Variants in STAT6 observed in about 807,000 individuals in gnomAD.
The protein encoded by STAT6 is signal transducer and activator of transcription 6.
STAT6 carries 45 observed loss-of-function variants against 106.3 expected under a neutral mutation model. The ratio of observed to expected loss-of-function variants is 0.42; its 90% CI spans 0.33 to 0.54. STAT6 has a LOEUF of 0.54. Among genes scored for constraint, STAT6 ranks in the 20% least tolerant of loss-of-function variants. STAT6 has a pLI of 0.06. For missense variants in STAT6, 797 were observed against 1,062.2 expected, an observed-to-expected ratio of 0.75 and a Z score of 3.47; for synonymous variants, 413 against 413.6, an observed-to-expected ratio of 1.00 and a Z score of 0.02.
At chr12:57,101,958 C>T (rs144377336) in intron 13 of STAT6, among the ~76,000 whole-genome samples, 2 of 152,302 alleles carry the variant, frequency 1.3e-5, no homozygotes, top group African/African-American at 4.8e-5. Flanking sequence ...GCCGCTGTGC[C>T]CGGCCAGGAA....
At chr12:57,097,487 A>G (rs2033524991) in intron 19 of STAT6, among the ~76,000 whole-genome samples, 1 of 152,192 alleles carries the variant, frequency 6.6e-6, no homozygotes, top group Admixed American at 6.5e-5. Context: ...AGGCCATTTC[A>G]AGGCCAAAAC....
Position 57,104,809 on chromosome 12 carries a change from T to C in STAT6, c.1006A>G (p.Ser336Gly), listed in dbSNP as rs2034170925. 1.9e-6 allele frequency: 3 copies of C among 1,614,138 alleles called. No homozygotes were observed. The highest frequency in any genetic ancestry group is 2.5e-6 in the Non-Finnish European group (3 of 1,180,020). The change falls in exon 10 of 22, where the codon AGC (serine) becomes GGC (glycine). Residue 336 changes from serine (S) to glycine (G), a missense_variant. By Grantham distance (56) the Ser-to-Gly change is moderately conservative (BLOSUM62 0). Around this residue, in one of 4 missense-constraint regions of STAT6, gnomAD observed 336 missense variants for 429.8 expected, o/e 0.78. Coordinates refer to ENST00000300134, the MANE Select transcript of STAT6 (RefSeq NM_003153.5). ...VPQGPGAGAE[S>G]TGEIINNTVP... Reference sequence around the variant, plus strand: ...GTGTTGTTGATGATTTCTCCAGTGCTTTCTCTGCCAGGGGAGGTCAGAGTG... The same window carrying C: ...GTGTTGTTGATGATTTCTCCAGTGCCTTCTCTGCCAGGGGAGGTCAGAGTG...
At chr12:57,105,987 C>G (rs191074646) in intron 7 of STAT6, 8 of 830,048 alleles carry the variant, frequency 9.6e-6, no homozygotes, top group Non-Finnish European at 1.3e-5. Flanking sequence ...GATGAGTCCC[C>G]GCTTGTGCCC....
intron 19 of STAT6, 89 bp downstream of exon 19, chr12:57,098,416 G>A: frequency 2.3e-6 from 3 of 1,288,478 alleles, no homozygotes; most frequent in Non-Finnish European, 3.4e-6. Flanking sequence ...AGCATTTGCT[G>A]CTCCTTTCTC....
chr12:57,097,195 G>A (rs2033501394), intron 19 of STAT6, 62 bp from the exon 20 acceptor site: 1 of 1,367,964 alleles, frequency 7.3e-7, no homozygotes, highest in Non-Finnish European at 9.8e-7. Context: ...GTGGTGCAAA[G>A]TCAGGACCAC....
intron 19 of STAT6, chr12:57,097,434 TTAA>T (rs2033520875): frequency 3.6e-6 from 1 of 281,120 alleles, no homozygotes; most frequent in Non-Finnish European, 6.6e-6. Context: ...CTTGACTAAG[TTAA>T]TAAGCACCCG....
chr12:57,106,016 T>C (rs2136608756), intron 7 of STAT6, 175 bp downstream of exon 7: 2 of 1,115,548 alleles, frequency 1.8e-6, no homozygotes, highest in East Asian at 2.6e-5. Flanking sequence ...GGCCCACTTG[T>C]ACAGGATGCG....
chr12:57,100,136 T>A, intron 13 of STAT6, 46 bp from the exon 14 acceptor site: 1 of 1,525,850 alleles, frequency 6.6e-7, no homozygotes, highest in Non-Finnish European at 8.9e-7. Flanking sequence ...GGGCCAGAGC[T>A]GGAGCCTGTT....
In STAT6 at chr12:57,098,884, G is replaced by T; in HGVS notation, c.1974C>A (p.Thr658=). The T allele has an allele frequency of 1.2e-6, 2 of 1,613,736 alleles. No homozygotes were observed. Among genetic ancestry groups the T allele is most frequent in the South Asian group, 1.1e-5 (1 of 91,080 alleles). The change falls in exon 18 of 22, where the codon ACC becomes ACA. Residue 658 remains threonine, a synonymous_variant. Transcript: ENST00000300134. ...CCATGGTAGGCATCTGGAGCTCTGG[G>T]GTAGGAAGTGGTTGGTCCCTGGAGG... ...MTVERDQPLP[T]PELQMPTMVP... is the part of the protein sequence containing the mutation.
At position 57,095,920 on chromosome 12, in the gene STAT6, A is replaced by C. The variant is rs966721004; in HGVS notation, c.*652T>G. Reference sequence around the variant, plus strand: ...CACACAGCTATACACGAAGAATCTCAGCCCTTGTACTTTTGCATAGTCTCA... The same window carrying C: ...CACACAGCTATACACGAAGAATCTCCGCCCTTGTACTTTTGCATAGTCTCA... On this transcript the variant is annotated 3_prime_UTR_variant, in exon 22 of 22. Transcript: ENST00000300134. 6.6e-6 allele frequency: 1 copy of C among 152,364 alleles called. No individual in the cohort carries two copies. The highest frequency in any genetic ancestry group is 2.4e-5 in the African/African-American group (1 of 41,454). The allele number at this position is 152,364 out of a possible 1,614,324, so 9.4% of individuals were successfully genotyped here. A position where few individuals can be genotyped will look rare whatever the true frequency, so the allele number is the denominator to read the frequency against.
rs1422128840 is a variant in STAT6, at chr12:57,104,738, C to A, written c.1077G>T (p.Leu359=). The A allele has an allele frequency of 1.9e-6, 3 of 1,614,044 alleles. No individual in the cohort carries two copies. Among genetic ancestry groups the A allele is most frequent in the Admixed American group, 1.7e-5 (1 of 59,998 alleles). ...NSIPGNCCSA[L]FKNLLLKKIK... ...CAAAGCCCCTCACCAGGTTCTTGAA[C>A]AGGGCAGAGCAGCAGTTCCCAGGAA... Residue 359 remains leucine, a synonymous_variant, in exon 10 of 22, where the codon CTG becomes CTT. Coordinates refer to ENST00000300134, the MANE Select transcript of STAT6 (RefSeq NM_003153.5).
intron 7 of STAT6, chr12:57,105,985 C>A (rs763050123): frequency 3.7e-6 from 3 of 811,944 alleles, no homozygotes; most frequent in Non-Finnish European, 5.6e-6. Flanking sequence ...TGGATGAGTC[C>A]CCGCTTGTGC....
chr12:57,107,635 G>A lies in STAT6; in HGVS notation c.225C>T (p.Ser75=), dbSNP rs768910713. 1 of 1,613,880 alleles carries A rather than the reference G, an allele frequency of 6.2e-7. No individual in the cohort carries two copies. The highest frequency in any genetic ancestry group is 8.5e-7 in the Non-Finnish European group (1 of 1,179,980). The part of the protein sequence containing the change: ...QASVGEQGEG[S]TILQHISTLE... The stretch of plus-strand genomic sequence containing the variant: ...GGGTGCTGATGTGTTGCAAGATGGT[G>A]CTCCCCTCCCCCTGCTCTCCCACCG... Residue 75 remains serine, a synonymous_variant, in exon 3 of 22, where the codon AGC becomes AGT. Transcript: ENST00000300134.
Position 57,099,385 on chromosome 12 carries a change from G to A in STAT6, c.1800C>T (p.Arg600=). Residue 600 remains arginine, a synonymous_variant, in exon 16 of 22, where the codon CGC becomes CGT. Transcript: ENST00000300134. The surrounding 1 kb of genome is among the most constrained non-coding windows in gnomAD (Gnocchi z 4.7). The part of the protein sequence containing the change: ...QPFSAKDLSI[R]SLGDRIRDLA... The stretch of plus-strand genomic sequence containing the variant: ...GATCCCGGATTCGGTCCCCCAGTGA[G>A]CGAATGGACAGGTCTTTGGCAGAGA... 2 of 1,614,200 alleles carry A rather than the reference G, an allele frequency of 1.2e-6. No homozygotes were observed. Among genetic ancestry groups the A allele is most frequent in the Non-Finnish European group, 1.7e-6 (2 of 1,180,028 alleles).
rs2033492642 is a variant in STAT6 at position 57,097,102 on chromosome 12, G to C, written c.2191C>G (p.Gln731Glu). 1 of 1,524,146 alleles carries C rather than the reference G, an allele frequency of 6.6e-7. No homozygotes were observed. The highest frequency in any genetic ancestry group is 1.3e-5 in the South Asian group (1 of 76,608). 94.4% of individuals were successfully genotyped at this position (1,524,146 alleles called of 1,614,324 possible). A position where few individuals can be genotyped will look rare whatever the true frequency, so the allele number is the denominator to read the frequency against. ...PHLQMPPSLG[Q>E]MSLPFDQPHP... Reference sequence around the variant, plus strand: ...GGCTGGTCAAAGGGCAGGCTCATCTGGCCCAGGCTGGGGGGCATCTGCAGG... The same window carrying C: ...GGCTGGTCAAAGGGCAGGCTCATCTCGCCCAGGCTGGGGGGCATCTGCAGG... The change falls in exon 20 of 22, where the codon CAG (glutamine) becomes GAG (glutamate). Residue 731 changes from glutamine to glutamate, a missense_variant. Coordinates refer to ENST00000300134, the MANE Select transcript of STAT6 (RefSeq NM_003153.5).
chr12:57,105,073 C>T lies in STAT6; in HGVS notation c.1001+78G>A, dbSNP rs552686070. 472 of 1,513,320 alleles carry T rather than the reference C, an allele frequency of 3.1e-4. 3 individuals are homozygous for T. The South Asian group carries it at 5.5e-3, about 18-fold the overall frequency. 93.7% of individuals were successfully genotyped at this position (1,513,320 alleles called of 1,614,324 possible). A position where few individuals can be genotyped will look rare whatever the true frequency, so the allele number is the denominator to read the frequency against. ...TGGCCCTCCCTCCCCATCCCTTGCT[C>T]TTTTCAGTGCCAGCCCTCCAGGCTG... is the stretch of plus-strand genomic sequence containing the variant. On this transcript the variant is annotated intron_variant, in intron 9 of 21. Transcript: ENST00000300134.
chr12:57,098,674 C>A lies in STAT6; in HGVS notation c.2067-77G>T, dbSNP rs1592546446. ...CACACCCTGCTTTTGAACAGGTGTC[C>A]CTCTCATGGAAAGGAAGATTCCCTG... On this transcript the variant is annotated intron_variant, in intron 18 of 21. Coordinates refer to ENST00000300134, the MANE Select transcript of STAT6 (RefSeq NM_003153.5). 34 of 1,562,202 alleles carry A rather than the reference C, an allele frequency of 2.2e-5. No homozygotes were observed. In the East Asian group the frequency reaches 7.6e-4, roughly 35 times the overall value.
intron 20 of STAT6, 24 bp from the exon 21 acceptor site, chr12:57,097,002 TAAG>T (rs763700593): frequency 1.4e-5 from 23 of 1,609,790 alleles, no homozygotes; most frequent in Non-Finnish European, 2.0e-5. Flanking sequence ...GCAATGGAAA[TAAG>T]GAGAGCGGGG....
At position 57,096,566 on chromosome 12, in the gene STAT6, C is replaced by G. The variant is rs1310252496; in HGVS notation, c.*6G>C. 1 of 1,578,372 alleles carries G rather than the reference C, an allele frequency of 6.3e-7. No homozygotes were observed. ...CTGTCTCTTTGGGTTCTCCCTCCAG[C>G]TGGGATCACCAACTGGGGTTGGCCC... On this transcript the variant is annotated 3_prime_UTR_variant, in exon 22 of 22. Coordinates refer to ENST00000300134, the MANE Select transcript of STAT6 (RefSeq NM_003153.5).
Sources: allele counts gnomAD v4.1 joint callset (sites outside exome capture counted in the v4.1 genomes callset), GRCh38; gene constraint gnomAD v4.1.1; regional missense constraint gnomAD v4.1.1; non-coding constraint Gnocchi (gnomAD v3.1); transcripts MANE v1.5; gene names NCBI Gene and HGNC (gene_info 2026-07-23, HGNC 2026-07-21).